Variants in GLB1 observed in about 807,000 individuals in gnomAD.
GLB1 encodes the protein galactosidase beta 1, also known as beta-galactosidase.
In GLB1, 56 loss-of-function variants were observed where a neutral mutation model predicts 74.0. The observed-to-expected ratio is 0.76, with a 90% CI of 0.61 to 0.94. The LOEUF (loss-of-function observed/expected upper bound fraction) is 0.94. GLB1 is among the 40% of genes least tolerant of loss of function. The probability of loss-of-function intolerance (pLI) is 0.00; values close to 1 mark genes in which losing one functional copy is unlikely to be tolerated. For synonymous variants in GLB1, 323 were observed against 323.6 expected (o/e 1.00, Z 0.02); for missense variants, 787 against 845.5 (o/e 0.93, Z 0.86).
intron 10 of GLB1, among the ~76,000 whole-genome samples, chr3:33,025,808 G>T (rs1026692092): frequency 6.6e-6 from 1 of 152,276 alleles, no homozygotes; most frequent in East Asian, 1.9e-4. Context: ...CCATGTCCCC[G>T]AGGCAGCTGA....
At chr3:33,055,450 G>C (rs947267189) in intron 6 of GLB1, among the ~76,000 whole-genome samples, 2 of 133,088 alleles carry the variant, frequency 1.5e-5, no homozygotes, top group Non-Finnish European at 3.1e-5. Flanking sequence ...TTTTGTCATG[G>C]TTTTCTTTTC....
chr3:32,985,848 C>CT, the GLB1 span, among the ~76,000 whole-genome samples: 2 of 152,122 alleles, frequency 1.3e-5, no homozygotes, highest in Non-Finnish European at 2.9e-5. Context: ...TGGGCTGGGA[C>CT]TACAGGCATG....
rs1399987615 is a variant in GLB1 at position 32,996,761 on chromosome 3, T to C, written c.*284A>G. On this transcript the variant is annotated 3_prime_UTR_variant, in exon 16 of 16. Transcript: ENST00000307363. ...GTACAAATTTTATTTAACAAAAAGG[T>C]AACATGATTCTTCCAAAATAAAAAT... The C allele has an allele frequency of 1.1e-5, 5 of 443,804 alleles. No homozygotes were observed. The highest frequency in any genetic ancestry group is 2.1e-5 in the Non-Finnish European group (5 of 243,324). 27.5% of individuals were successfully genotyped at this position (443,804 alleles called of 1,614,324 possible).
intron 10 of GLB1, among the ~76,000 whole-genome samples, chr3:33,035,598 G>C (rs1037821506): frequency 2.6e-5 from 4 of 152,134 alleles, no homozygotes; most frequent in African/African-American, 9.7e-5. Context: ...ATCCCAGAGA[G>C]CTCTTTAGCC....
chr3:33,047,132 A>G (rs1011321147), intron 9 of GLB1, among the ~76,000 whole-genome samples: 1 of 152,140 alleles, frequency 6.6e-6, no homozygotes, highest in Non-Finnish European at 1.5e-5. Flanking sequence ...CACAATCAAT[A>G]AGCTTTCTAC....
chr3:33,056,794 TTC>T (rs1204551870), intron 6 of GLB1, among the ~76,000 whole-genome samples: 1 of 152,228 alleles, frequency 6.6e-6, no homozygotes, highest in Admixed American at 6.5e-5. Flanking sequence ...TCAGTGTTCA[TTC>T]TCTCAGAACA....
At position 33,042,281 on chromosome 3, in the gene GLB1, C is replaced by T. The variant is rs578086799; in HGVS notation, c.1068+3839G>A. 1.5e-4 allele frequency among the ~76,000 whole-genome samples: 22 copies of T among 150,920 alleles called. No individual in the cohort carries two copies. In the South Asian group the frequency reaches 4.3e-3, roughly 29 times the overall value. ...TCAACTCCTCAATGGATTCCCATTA[C>T]ATTCAGAGTAAAAGCCAAAGTCTTA... On this transcript the variant is annotated intron_variant, in intron 10 of 15. Coordinates refer to ENST00000307363, the MANE Select transcript of GLB1 (RefSeq NM_000404.4).
the GLB1 span, among the ~76,000 whole-genome samples, chr3:32,980,410 C>A: frequency 6.6e-6 from 1 of 152,214 alleles, no homozygotes; most frequent in Non-Finnish European, 1.5e-5. Context: ...CTTTAATAAA[C>A]ACATTTAAGG....
At chr3:33,063,976 A>C (rs6805872) in intron 5 of GLB1, among the ~76,000 whole-genome samples, 1 of 151,874 alleles carries the variant, frequency 6.6e-6, no homozygotes, top group Non-Finnish European at 1.5e-5. Context: ...TGAAAGGCAA[A>C]GCAGTGCCCA....
At chr3:32,990,604 T>G in the GLB1 span, among the ~76,000 whole-genome samples, 2 of 152,222 alleles carry the variant, frequency 1.3e-5, no homozygotes, top group Non-Finnish European at 2.9e-5. Flanking sequence ...TGGGCACTTC[T>G]TGGGACACTT....
At chr3:33,096,786 C>A in intron 1 of GLB1, 1 of 1,342,772 alleles carries the variant, frequency 7.4e-7, no homozygotes. Flanking sequence ...GAGCGGAACG[C>A]ACAAGCGACC....
At chr3:33,094,381 C>T in intron 1 of GLB1, 3 of 1,366,568 alleles carry the variant, frequency 2.2e-6, no homozygotes, top group African/African-American at 1.4e-5. Context: ...AGGCCACTTA[C>T]ATCTGCCCAA....
At chr3:33,034,697 G>A (rs1698197523) in intron 10 of GLB1, 1 of 722,610 alleles carries the variant, frequency 1.4e-6, no homozygotes, top group African/African-American at 1.7e-5. Flanking sequence ...AGACAATAAG[G>A]TGACCCTGAG....
intron 4 of GLB1, among the ~76,000 whole-genome samples, chr3:33,065,968 C>CAAAAA (rs35555652): frequency 1.6e-5 from 2 of 123,806 alleles, no homozygotes; most frequent in Non-Finnish European, 1.6e-5. Context: ...AACTCTGTCT[C>CAAAAA]AAAAAAAAAA....
chr3:33,058,632 A>G (rs56012424), intron 5 of GLB1, among the ~76,000 whole-genome samples: 10,040 of 152,280 alleles, frequency 0.066, 509 homozygotes, highest in East Asian at 0.26. Flanking sequence ...AGAAAACAGG[A>G]AAAGTATCCA....
chr3:33,075,358 G>T (rs1275548148), intron 1 of GLB1, among the ~76,000 whole-genome samples: 1 of 152,200 alleles, frequency 6.6e-6, no homozygotes, highest in Admixed American at 6.5e-5. Context: ...AGGAGATAAG[G>T]CTGGGAAAAA....
At chr3:33,089,533 A>C (rs577288856) in intron 1 of GLB1, among the ~76,000 whole-genome samples, 119 of 152,342 alleles carry the variant, frequency 7.8e-4, no homozygotes, top group Non-Finnish European at 1.6e-3. Context: ...CAACATGGAT[A>C]AACAAAATGT....
chr3:32,992,983 C>T (rs566309344), downstream of GLB1, among the ~76,000 whole-genome samples: 16 of 152,306 alleles, frequency 1.1e-4, no homozygotes, highest in East Asian at 1.9e-4. Flanking sequence ...GACATCGGGG[C>T]GATTTTCCTT....
At chr3:33,075,576 T>A (rs9875140) in intron 1 of GLB1, among the ~76,000 whole-genome samples, 19,717 of 151,928 alleles carry the variant, frequency 0.13, 1,540 homozygotes, top group East Asian at 0.37. Flanking sequence ...CCATCTAGCC[T>A]AGAAGAAACC....
Sources: allele counts gnomAD v4.1 joint callset (sites outside exome capture counted in the v4.1 genomes callset), GRCh38; gene constraint gnomAD v4.1.1; transcripts MANE v1.5; gene names NCBI Gene and HGNC (gene_info 2026-07-23, HGNC 2026-07-21).